The following FBXO42 variants were observed in gnomAD, a reference collection of about 807,000 sequenced individuals.
The protein encoded by FBXO42 is F-box protein 42.
Under a neutral mutation model 71.7 loss-of-function variants are expected in FBXO42, and 12 were observed. That is an observed-to-expected ratio of 0.17 (90% CI 0.11 to 0.27). The LOEUF (loss-of-function observed/expected upper bound fraction) is 0.27. Among genes scored for constraint, FBXO42 ranks in the 10% least tolerant of loss-of-function variants. The pLI is 1.00. For missense variants in FBXO42, 707 were observed against 911.9 expected, an observed-to-expected ratio of 0.78 and a Z score of 2.89; for synonymous variants, 325 against 327.5, an observed-to-expected ratio of 0.99 and a Z score of 0.08.
intron 2 of FBXO42, among the ~76,000 whole-genome samples, chr1:16,312,797 G>T (rs1569905736): frequency 1.5e-5 from 2 of 132,268 alleles, no homozygotes; most frequent in African/African-American, 2.9e-5. Flanking sequence ...GTTTTGTTTT[G>T]CTTTTTTTTT....
chr1:16,294,827 C>A lies in FBXO42; in HGVS notation c.458G>T (p.Arg153Ile). Residue 153 changes from arginine (R) to isoleucine (I), a missense_variant, in exon 4 of 10, where the codon AGA (arginine) becomes ATA (isoleucine). By Grantham distance (97) the Arg-to-Ile change is moderately conservative (BLOSUM62 -3). Around this residue, in one of 5 missense-constraint regions of FBXO42, gnomAD observed 188 missense variants for 230.5 expected, o/e 0.82. Transcript: ENST00000375592. Reference protein sequence around the residue: ...SCNAAFNDLWRLDLNSKEWIR... With the variant: ...SCNAAFNDLWILDLNSKEWIR... ...CCACTCTTTGCTGTTTAGGTCAAGT[C>A]TCCAGAGGTCATTGAAAGCAGCATT... 6.2e-7 allele frequency: 1 copy of A among 1,614,146 alleles called. No homozygotes were observed. The highest frequency in any genetic ancestry group is 1.1e-5 in the South Asian group (1 of 91,084).
chr1:16,333,443 C>A (rs907457780), intron 1 of FBXO42, among the ~76,000 whole-genome samples: 1 of 137,190 alleles, frequency 7.3e-6, no homozygotes, highest in East Asian at 2.2e-4. Context: ...GAGACCCCCC[C>A]CCCCCATTTC....
chr1:16,252,974 G>T lies in FBXO42; in HGVS notation c.921+122C>A. The T allele has an allele frequency of 2.5e-6, 2 of 807,668 alleles. No homozygotes were observed. Among genetic ancestry groups the T allele is most frequent in the Non-Finnish European group, 1.9e-6 (1 of 527,248 alleles). 50.0% of individuals were successfully genotyped at this position (807,668 alleles called of 1,614,324 possible). A position where few individuals can be genotyped will look rare whatever the true frequency, so the allele number is the denominator to read the frequency against. Reference sequence around the variant, plus strand: ...AAAATACAAAGGCTATACCCAAAAAGCATTCCTTAAATTAAAATGCCATGG... The same window carrying T: ...AAAATACAAAGGCTATACCCAAAAATCATTCCTTAAATTAAAATGCCATGG... On this transcript the variant is annotated intron_variant, in intron 8 of 9. Transcript: ENST00000375592. The surrounding 1 kb of genome is among the most constrained non-coding windows in gnomAD (Gnocchi z 4.4).
chr1:16,305,698 A>G (rs1302231294), intron 3 of FBXO42, 105 bp downstream of exon 3: 11 of 933,566 alleles, frequency 1.2e-5, no homozygotes, highest in East Asian at 4.8e-5. Flanking sequence ...TGGGTGATAG[A>G]GTGAGACCTT....
chr1:16,267,861 A>G (rs938211174), intron 4 of FBXO42, among the ~76,000 whole-genome samples: 1 of 152,246 alleles, frequency 6.6e-6, no homozygotes, highest in African/African-American at 2.4e-5. Context: ...GGCATGAGAA[A>G]CTTTTAGATC....
At chr1:16,265,780 T>TAA (rs35779272) in intron 4 of FBXO42, among the ~76,000 whole-genome samples, 3 of 142,858 alleles carry the variant, frequency 2.1e-5, no homozygotes, top group African/African-American at 5.2e-5. Flanking sequence ...AAGTCCCTAT[T>TAA]AAAAAAAAAA....
chr1:16,337,510 C>T (rs936567007), intron 1 of FBXO42, among the ~76,000 whole-genome samples: 5 of 152,078 alleles, frequency 3.3e-5, no homozygotes, highest in African/African-American at 9.7e-5. Flanking sequence ...GATTTGAACC[C>T]AATCATAGGA....
intron 4 of FBXO42, among the ~76,000 whole-genome samples, chr1:16,283,204 G>A (rs2081982865): frequency 6.6e-6 from 1 of 152,078 alleles, no homozygotes; most frequent in African/African-American, 2.4e-5. Flanking sequence ...AAATTCAGAG[G>A]CAAATAACTG....
At chr1:16,338,028 G>A (rs1437178573) in intron 1 of FBXO42, among the ~76,000 whole-genome samples, 2 of 151,856 alleles carry the variant, frequency 1.3e-5, no homozygotes, top group African/African-American at 4.8e-5. Context: ...GGGAGGCCGA[G>A]GCAGGTGGAT....
At chr1:16,284,516 T>C (rs1056490262) in intron 4 of FBXO42, among the ~76,000 whole-genome samples, 2 of 152,094 alleles carry the variant, frequency 1.3e-5, no homozygotes, top group African/African-American at 4.8e-5. Context: ...TCAGCATACA[T>C]GTATGCTATA....
At chr1:16,350,865 C>T (rs890790667) in intron 1 of FBXO42, among the ~76,000 whole-genome samples, 7 of 151,814 alleles carry the variant, frequency 4.6e-5, no homozygotes, top group Non-Finnish European at 1.0e-4. Flanking sequence ...CGCAACATGC[C>T]TATGGATCAA....
intron 2 of FBXO42, among the ~76,000 whole-genome samples, chr1:16,314,812 A>G (rs2100575890): frequency 6.6e-6 from 1 of 151,872 alleles, no homozygotes; most frequent in Admixed American, 6.6e-5. Flanking sequence ...TGACCCCGGG[A>G]GGCAGAGCTT....
chr1:16,318,358 C>T (rs189963889), intron 1 of FBXO42, among the ~76,000 whole-genome samples: 2 of 152,274 alleles, frequency 1.3e-5, no homozygotes, highest in Admixed American at 1.3e-4. Flanking sequence ...GCAGACGTTG[C>T]AGTGAGCTGA....
chr1:16,256,585 G>C (rs148204328), intron 5 of FBXO42, 21 bp downstream of exon 5: 17,144 of 1,611,152 alleles, frequency 0.011, 94 homozygotes, highest in Non-Finnish European at 0.013. Context: ...CAGATTTAAA[G>C]AGTTTATCTT....
intron 3 of FBXO42, among the ~76,000 whole-genome samples, chr1:16,295,620 T>C (rs1379762079): frequency 1.3e-5 from 2 of 152,172 alleles, no homozygotes; most frequent in Non-Finnish European, 2.9e-5. Flanking sequence ...CTCGAACTCC[T>C]GACCTCAGGT....
chr1:16,315,037 G>A (rs1338630434), intron 2 of FBXO42, 132 bp downstream of exon 2: 18 of 920,284 alleles, frequency 2.0e-5, no homozygotes, highest in African/African-American at 3.3e-5. Context: ...AAAGAAAACC[G>A]GGTAGTATCG....
rs373367533 is a variant in FBXO42 at position 16,283,630 on chromosome 1, G to A, written c.502+11153C>T. 3.4e-4 allele frequency among the ~76,000 whole-genome samples: 52 copies of A among 151,312 alleles called. 1 individual carries two copies. In the East Asian group the frequency reaches 7.6e-3, roughly 22 times the overall value. On this transcript the variant is annotated intron_variant, in intron 4 of 9. Coordinates refer to ENST00000375592, the MANE Select transcript of FBXO42 (RefSeq NM_018994.3). Reference sequence around the variant, plus strand: ...CCCTGCCTCAGCCTCCCGAGTAGCTGGGATTACAGGCACCCACCACCATGC... The same window carrying A: ...CCCTGCCTCAGCCTCCCGAGTAGCTAGGATTACAGGCACCCACCACCATGC...
rs377635127 is a variant in FBXO42 at position 16,347,787 on chromosome 1, A to T, written c.-18+4468T>A. On this transcript the variant is annotated intron_variant, in intron 1 of 9. Coordinates refer to ENST00000375592, the MANE Select transcript of FBXO42 (RefSeq NM_018994.3). ...GGCAGATCACGAGGTCTGGAAATCGAGACAATCCTGGCTAACACAGTGAAA... is the reference window on the plus strand; with the variant it reads ...GGCAGATCACGAGGTCTGGAAATCGTGACAATCCTGGCTAACACAGTGAAA... Among the ~76,000 whole-genome samples, 63 of 152,290 alleles carry T rather than the reference A, an allele frequency of 4.1e-4. 3 individuals carry two copies. Among genetic ancestry groups the T allele is most frequent in the Admixed American group, 2.2e-3 (33 of 15,296 alleles).
chr1:16,350,756 AAAAAGAAAGAAAGAAAG>A (rs2082694518), intron 1 of FBXO42, among the ~76,000 whole-genome samples: 1 of 128,394 alleles, frequency 7.8e-6, no homozygotes, highest in Middle Eastern at 3.5e-3. Flanking sequence ...AAAAAAAAAA[AAAAAGAAAGAAAGAAAG>A]AAAGAAAGAA....
Sources: allele counts gnomAD v4.1 joint callset (sites outside exome capture counted in the v4.1 genomes callset), GRCh38; gene constraint gnomAD v4.1.1; regional missense constraint gnomAD v4.1.1; non-coding constraint Gnocchi (gnomAD v3.1); transcripts MANE v1.5; gene names NCBI Gene and HGNC (gene_info 2026-07-23, HGNC 2026-07-21).